The following MED13L variants were observed in gnomAD, a reference collection of about 807,000 sequenced individuals.
The protein encoded by MED13L is mediator of RNA polymerase II transcription subunit 13-like.
Under a neutral mutation model 220.9 loss-of-function variants are expected in MED13L, and 7 were observed. That is an observed-to-expected ratio of 0.03 (90% CI 0.02 to 0.06). MED13L has a LOEUF of 0.06. MED13L is among the 10% of genes least tolerant of loss of function. MED13L has a pLI of 1.00. For synonymous variants in MED13L, 1,011 were observed against 1,015.2 expected (o/e 1.00, Z 0.08); for missense variants, 1,965 against 2,760.5 (o/e 0.71, Z 6.46).
intron 2 of MED13L, among the ~76,000 whole-genome samples, chr12:116,202,067 C>T (rs1436955355): frequency 6.6e-6 from 1 of 152,134 alleles, no homozygotes; most frequent in Non-Finnish European, 1.5e-5. Flanking sequence ...TCCTAGAAGA[C>T]AATATAGCCA....
At chr12:115,962,084 T>C (rs1875802498) in intron 30 of MED13L, among the ~76,000 whole-genome samples, 1 of 152,258 alleles carries the variant, frequency 6.6e-6, no homozygotes, top group Non-Finnish European at 1.5e-5. Flanking sequence ...TAAAATATAT[T>C]ACTAAAATTA....
At chr12:116,147,598 T>C (rs768776479) in intron 2 of MED13L, among the ~76,000 whole-genome samples, 2 of 152,194 alleles carry the variant, frequency 1.3e-5, no homozygotes, top group Admixed American at 6.5e-5. Flanking sequence ...AAAGGTCATC[T>C]TGTATTAACG....
chr12:116,013,016 T>C (rs556506738), intron 8 of MED13L, 115 bp from the exon 9 acceptor site: 4 of 767,364 alleles, frequency 5.2e-6, no homozygotes, highest in Non-Finnish European at 2.3e-6. Flanking sequence ...CCTGCTGACA[T>C]GTAGTTCAGA....
At position 115,960,953 on chromosome 12, in the gene MED13L, TCTGTTTCCCG is replaced by T. The variant is rs1592888105; in HGVS notation, c.*303_*312del. 2.5e-6 allele frequency: 1 copy of T among 404,560 alleles called. No homozygotes were observed. The allele number at this position is 404,560 out of a possible 1,614,324, so 25.1% of individuals were successfully genotyped here. ...TCTTGTGCAAAAGGACACTGTCTCT[TCTGTTTCCCG>T]CTGAAAAGCCATCAACCACCACCAC... On this transcript the variant is annotated 3_prime_UTR_variant, in exon 31 of 31. Transcript: ENST00000281928.
At chr12:116,128,911 G>T (rs1875828321) in intron 2 of MED13L, among the ~76,000 whole-genome samples, 1 of 151,884 alleles carries the variant, frequency 6.6e-6, no homozygotes, top group African/African-American at 2.4e-5. Context: ...AAAGGTTGAG[G>T]AATCTTTTAT....
chr12:116,215,483 C>T (rs748436546), intron 2 of MED13L, among the ~76,000 whole-genome samples: 1 of 152,158 alleles, frequency 6.6e-6, no homozygotes. Flanking sequence ...AAACTCTGAA[C>T]ACAAGGAGTT....
At chr12:116,069,887 C>T (rs1870236476) in intron 4 of MED13L, among the ~76,000 whole-genome samples, 1 of 152,174 alleles carries the variant, frequency 6.6e-6, no homozygotes, top group African/African-American at 2.4e-5. Context: ...ACCTGGGTCA[C>T]ATTCCCAAGA....
chr12:116,104,465 T>A (rs937665411), intron 3 of MED13L, among the ~76,000 whole-genome samples: 1 of 152,202 alleles, frequency 6.6e-6, no homozygotes, highest in Non-Finnish European at 1.5e-5. Flanking sequence ...AAGTAAAATA[T>A]CTTAACTCTA....
rs869201518 is a variant in MED13L at position 116,102,710 on chromosome 12, C to CTTTTTT, written c.396-5964_396-5959dup. ...TATTTTCTTTTTCTTTTTCTTTTTT[C>CTTTTTT]TTTTTTTTTTTTTTTTTTTTTTTTT... is the stretch of plus-strand genomic sequence containing the variant. On this transcript the variant is annotated intron_variant, in intron 3 of 30. Transcript: ENST00000281928. Among the ~76,000 whole-genome samples the CTTTTTT allele has an allele frequency of 7.9e-3, 542 of 68,542 alleles. 3 individuals carry two copies. The highest frequency in any genetic ancestry group is 8.6e-3 in the African/African-American group (151 of 17,478). The allele number at this position is 68,542 out of a possible 152,430, so 45.0% of individuals were successfully genotyped here. A position where few individuals can be genotyped will look rare whatever the true frequency, so the allele number is the denominator to read the frequency against.
chr12:116,127,673 C>G (rs1482388269), intron 2 of MED13L, among the ~76,000 whole-genome samples: 1 of 152,114 alleles, frequency 6.6e-6, no homozygotes, highest in East Asian at 1.9e-4. Flanking sequence ...AAATTGTCAT[C>G]CCGTTTCTTT....
intron 2 of MED13L, among the ~76,000 whole-genome samples, chr12:116,236,552 C>A (rs1870099280): frequency 6.7e-6 from 1 of 149,894 alleles, no homozygotes; most frequent in Non-Finnish European, 1.5e-5. Flanking sequence ...ACATTTCAAA[C>A]ACGATCTGAA....
Position 115,975,694 on chromosome 12 carries a change from G to A in MED13L, c.5409C>T (p.Ala1803=), listed in dbSNP as rs756949902. Residue 1803 remains alanine (A), a synonymous_variant, in exon 24 of 31, where the codon GCC becomes GCT. Transcript: ENST00000281928. ...GCTCTGTCTGCTTGTCTTTGATTGGGGCCAATATAAAGGGAGGGGAGTAAA... is the reference window on the plus strand; with the variant it reads ...GCTCTGTCTGCTTGTCTTTGATTGGAGCCAATATAAAGGGAGGGGAGTAAA... ...IQLYSPPFIL[A]PIKDKQTELG... The A allele has an allele frequency of 6.2e-7, 1 of 1,613,780 alleles. No homozygotes were observed. The highest frequency in any genetic ancestry group is 8.5e-7 in the Non-Finnish European group (1 of 1,180,004).
chr12:116,143,330 CAAAA>C (rs776961298), intron 2 of MED13L, among the ~76,000 whole-genome samples: 6 of 81,146 alleles, frequency 7.4e-5, no homozygotes, highest in Non-Finnish European at 1.0e-4. Flanking sequence ...CACCTTGTCT[CAAAA>C]AAAAAAAAAA....
chr12:115,984,522 G>T, intron 19 of MED13L, 150 bp from the exon 20 acceptor site: 1 of 845,878 alleles, frequency 1.2e-6, no homozygotes, highest in Non-Finnish European at 1.8e-6. Flanking sequence ...AACATTACAA[G>T]TTGGTCCTTT....
chr12:116,037,688 T>C (rs1439393155), intron 4 of MED13L, among the ~76,000 whole-genome samples: 1 of 152,134 alleles, frequency 6.6e-6, no homozygotes, highest in Non-Finnish European at 1.5e-5. Flanking sequence ...CCCAGCACCG[T>C]AGTGGTATCA....
intron 2 of MED13L, among the ~76,000 whole-genome samples, chr12:116,126,466 C>T (rs534834929): frequency 6.6e-6 from 1 of 152,146 alleles, no homozygotes; most frequent in Non-Finnish European, 1.5e-5. Context: ...GTGCAAGAGC[C>T]CCAGTGAGTC....
chr12:116,091,229 C>T (rs1872182477), intron 4 of MED13L, among the ~76,000 whole-genome samples: 2 of 151,116 alleles, frequency 1.3e-5, no homozygotes, highest in South Asian at 4.2e-4. Flanking sequence ...TTCAATCCTT[C>T]TTGAAAATAG....
chr12:116,053,465 G>A (rs960555572), intron 4 of MED13L, among the ~76,000 whole-genome samples: 45 of 152,170 alleles, frequency 3.0e-4, no homozygotes, highest in Admixed American at 2.9e-3. Context: ...GATAATATGA[G>A]ACTGGATGCT....
At chr12:116,190,951 G>T (rs1881233891) in intron 2 of MED13L, among the ~76,000 whole-genome samples, 1 of 151,950 alleles carries the variant, frequency 6.6e-6, no homozygotes. Context: ...AATTAGTCGG[G>T]CGTGGTGGTG....
Sources: allele counts gnomAD v4.1 joint callset (sites outside exome capture counted in the v4.1 genomes callset), GRCh38; gene constraint gnomAD v4.1.1; transcripts MANE v1.5; gene names NCBI Gene and HGNC (gene_info 2026-07-23, HGNC 2026-07-21).